RASGRF1: variants seen among roughly 807,000 people sequenced by gnomAD.
RASGRF1 encodes the protein Ras protein specific guanine nucleotide releasing factor 1, also known as ras-specific guanine nucleotide-releasing factor 1.
A neutral mutation model predicts 138.7 loss-of-function variants in RASGRF1; 40 were observed. The observed-to-expected ratio is 0.29, with a 90% CI of 0.22 to 0.38. The LOEUF (loss-of-function observed/expected upper bound fraction) is 0.38, where lower values mean the gene tolerates loss of function less well. Ranked by LOEUF, RASGRF1 falls within the 10% of genes least tolerant of loss-of-function variation. The probability of loss-of-function intolerance (pLI) is 1.00; values close to 1 mark genes in which losing one functional copy is unlikely to be tolerated. For synonymous variants in RASGRF1, 614 were observed against 663.2 expected (o/e 0.93, Z 1.14); for missense variants, 1,108 against 1,650.4 (o/e 0.67, Z 5.69).
intron 24 of RASGRF1, among the ~76,000 whole-genome samples, chr15:78,974,196 G>A (rs1443736613): frequency 6.6e-6 from 1 of 152,170 alleles, no homozygotes; most frequent in African/African-American, 2.4e-5. Flanking sequence ...GGTTGATGGA[G>A]CCTGTGATGG....
chr15:79,019,331 A>G (rs2056925816), intron 11 of RASGRF1, among the ~76,000 whole-genome samples: 1 of 152,092 alleles, frequency 6.6e-6, no homozygotes. Flanking sequence ...GAGAGTAGTG[A>G]TCCCACCCCC....
chr15:79,059,811 G>A (rs187229106), intron 2 of RASGRF1, among the ~76,000 whole-genome samples: 357 of 152,140 alleles, frequency 2.3e-3, no homozygotes, highest in African/African-American at 8.2e-3. Context: ...AGAACATTGT[G>A]TCTCTACATG....
intron 5 of RASGRF1, among the ~76,000 whole-genome samples, chr15:79,039,501 T>C (rs535997592): frequency 6.6e-6 from 1 of 152,268 alleles, no homozygotes; most frequent in Admixed American, 6.5e-5. Flanking sequence ...TATCTGTTTG[T>C]ATGCATTCAT....
Position 79,006,971 on chromosome 15 carries a change from C to T in RASGRF1, c.1827-537G>A, listed in dbSNP as rs1567505937. Among the ~76,000 whole-genome samples the T allele has an allele frequency of 6.6e-6, 1 of 152,192 alleles. No individual in the cohort carries two copies. The highest frequency in any genetic ancestry group is 6.5e-5 in the Admixed American group (1 of 15,284). On this transcript the variant is annotated intron_variant, in intron 13 of 26. Transcript: ENST00000558480. This position sits in a 1 kb window ranked among gnomAD's most constrained non-coding sequence, Gnocchi z 4.0. ...AGGTTGCAGTGAGCCGAGACTGTGA[C>T]ACTGCCCTCCAGCCTGGGTGACACA...
intron 1 of RASGRF1, among the ~76,000 whole-genome samples, chr15:79,082,862 G>T (rs1566972639): frequency 6.6e-6 from 1 of 152,140 alleles, no homozygotes; most frequent in Non-Finnish European, 1.5e-5. Flanking sequence ...GTGTTGGCTT[G>T]CTTCCAGCCT....
intron 1 of RASGRF1, among the ~76,000 whole-genome samples, chr15:79,089,451 A>G (rs568696566): frequency 1.3e-5 from 2 of 152,310 alleles, no homozygotes; most frequent in East Asian, 1.9e-4. Context: ...CTTGCAGCTC[A>G]GGAAACCAGA....
intron 20 of RASGRF1, 103 bp downstream of exon 20, chr15:78,995,637 G>T: frequency 7.3e-7 from 1 of 1,378,552 alleles, no homozygotes; most frequent in Non-Finnish European, 1.0e-6. Context: ...TTTCACAACA[G>T]CCACAGAAAA....
intron 13 of RASGRF1, among the ~76,000 whole-genome samples, chr15:79,008,946 T>C (rs2056739484): frequency 6.6e-6 from 1 of 152,202 alleles, no homozygotes; most frequent in Non-Finnish European, 1.5e-5. Context: ...CCCTACAAGA[T>C]AAATGACCCT....
chr15:78,973,218 TG>T lies in RASGRF1; in HGVS notation c.3612+84del, dbSNP rs2055805170. On this transcript the variant is annotated intron_variant, in intron 25 of 26. Transcript: ENST00000558480. This position sits in a 1 kb window ranked among gnomAD's most constrained non-coding sequence, Gnocchi z 4.9. ...GCACCCTATGCAGCAGGTTGGGCCT[TG>T]GGGGGCAGAGTGTGGGTGGGCCCCA... 5 of 1,149,732 alleles carry T rather than the reference TG, an allele frequency of 4.3e-6. No individual in the cohort carries two copies. Among genetic ancestry groups the T allele is most frequent in the East Asian group, 2.5e-5 (1 of 40,772 alleles). The allele number at this position is 1,149,732 out of a possible 1,614,324, so 71.2% of individuals were successfully genotyped here. A position where few individuals can be genotyped will look rare whatever the true frequency, so the allele number is the denominator to read the frequency against.
intron 19 of RASGRF1, among the ~76,000 whole-genome samples, chr15:78,996,444 C>T (rs1259556639): frequency 2.6e-5 from 4 of 152,106 alleles, no homozygotes; most frequent in East Asian, 1.9e-4. Flanking sequence ...GCAGGCCTGC[C>T]GGGGCTGCGG....
intron 6 of RASGRF1, among the ~76,000 whole-genome samples, chr15:79,033,305 C>T (rs746279068): frequency 3.3e-4 from 50 of 150,050 alleles, no homozygotes; most frequent in Non-Finnish European, 4.9e-4. Context: ...TGCAGTGGTG[C>T]GGTCTCGGCT....
At position 79,046,976 on chromosome 15, in the gene RASGRF1, C is replaced by G; in HGVS notation, c.648G>C (p.Trp216Cys). Residue 216 changes from tryptophan (W) to cysteine (C), a missense_variant, in exon 5 of 27, where the codon TGG (tryptophan) becomes TGC (cysteine). Transcript: ENST00000558480. The surrounding 1 kb of genome is among the most constrained non-coding windows in gnomAD (Gnocchi z 5.3). The stretch of plus-strand genomic sequence containing the variant: ...TGGTCTTCCACTTCCGCCGGCACAG[C>G]CAGCCCCGCAGGAAGCTCTGCACCT... ...IKKVQSFLRGWLCRRKWKTII... is the reference protein window; with the variant it reads ...IKKVQSFLRGCLCRRKWKTII... 1 of 1,613,072 alleles carries G rather than the reference C, an allele frequency of 6.2e-7. No homozygotes were observed. The highest frequency in any genetic ancestry group is 8.5e-7 in the Non-Finnish European group (1 of 1,179,754).
chr15:79,012,047 T>G (rs2056806324), intron 13 of RASGRF1, among the ~76,000 whole-genome samples: 1 of 151,954 alleles, frequency 6.6e-6, no homozygotes, highest in Non-Finnish European at 1.5e-5. Context: ...ATACATTAGA[T>G]GCCGTAATGA....
intron 1 of RASGRF1, among the ~76,000 whole-genome samples, chr15:79,076,766 T>C (rs1367330056): frequency 2.0e-5 from 3 of 152,218 alleles, no homozygotes; most frequent in African/African-American, 7.2e-5. Flanking sequence ...GATAGTCCTC[T>C]CTTGCTCAAG....
At chr15:79,004,865 G>A (rs751228060) in intron 14 of RASGRF1, 275 of 983,594 alleles carry the variant, frequency 2.8e-4, no homozygotes, top group Non-Finnish European at 3.2e-4. Flanking sequence ...TGTTGCCCCA[G>A]GACGTAGGCA....
At chr15:79,070,243 C>T (rs1384118274) in intron 1 of RASGRF1, among the ~76,000 whole-genome samples, 1 of 152,190 alleles carries the variant, frequency 6.6e-6, no homozygotes, top group East Asian at 1.9e-4. Context: ...CTCAGGGTTG[C>T]AATAGCCCAG....
chr15:78,996,180 G>T (rs1178820671), intron 19 of RASGRF1, among the ~76,000 whole-genome samples: 1 of 152,242 alleles, frequency 6.6e-6, no homozygotes, highest in African/African-American at 2.4e-5. Context: ...CAGGATGCAT[G>T]ACAGGAAGGA....
At chr15:78,985,836 A>G (rs2056142039) in intron 22 of RASGRF1, 1 of 151,918 alleles carries the variant, frequency 6.6e-6, no homozygotes, top group African/African-American at 2.4e-5. Context: ...GAGGCAGGAA[A>G]ATCACTTGAA....
chr15:79,017,478 G>A (rs148189133), intron 12 of RASGRF1, among the ~76,000 whole-genome samples: 4 of 152,296 alleles, frequency 2.6e-5, no homozygotes, highest in African/African-American at 9.6e-5. Context: ...AGTGGGGAAA[G>A]GGGAGAAGGG....
Sources: gnomAD v4.1 joint callset for allele counts (sites outside exome capture counted in the v4.1 genomes callset) on GRCh38, gnomAD v4.1.1 for gene constraint, Gnocchi (gnomAD v3.1) non-coding constraint, MANE v1.5 for transcripts, NCBI Gene and HGNC (gene_info 2026-07-23, HGNC 2026-07-21) for gene names.